The following SPEG variants were observed in gnomAD, a reference collection of about 807,000 sequenced individuals.
SPEG encodes striated muscle preferentially expressed protein kinase.
In SPEG, 114 loss-of-function variants were observed where a neutral mutation model predicts 300.4. The observed-to-expected ratio is 0.38, with a 90% CI of 0.33 to 0.44. The LOEUF (loss-of-function observed/expected upper bound fraction) is 0.44, where lower values mean the gene tolerates loss of function less well. SPEG is among the 20% of genes least tolerant of loss of function. The pLI, the probability that SPEG is intolerant of heterozygous loss-of-function variation, is 1.00. For synonymous variants in SPEG, 1,964 were observed against 2,018.9 expected, an observed-to-expected ratio of 0.97 and a Z score of 0.73; for missense variants, 4,201 against 4,586.2, an observed-to-expected ratio of 0.92 and a Z score of 2.43.
In SPEG at chr2:219,451,252, A is replaced by G. The variant is rs781248455; in HGVS notation, c.2230A>G (p.Ile744Val). Residue 744 changes from isoleucine to valine, a missense_variant, in exon 5 of 41, where the codon ATC becomes GTC. This residue lies in a region of SPEG where 1,258 missense variants were observed against 1,293.9 expected (regional missense o/e 0.97). Coordinates refer to ENST00000312358, the MANE Select transcript of SPEG (RefSeq NM_005876.5). The surrounding 1 kb of genome is among the most constrained non-coding windows in gnomAD (Gnocchi z 6.4). ...APGADVLLKC[I>V]ITANPPPQVS... ...AGGGGCAGATGTGCTGCTCAAGTGT[A>G]TCATCACTGCCAACCCCCCGCCCCA... is the stretch of plus-strand genomic sequence containing the variant. The G allele has an allele frequency of 3.1e-6, 5 of 1,612,666 alleles. No homozygotes were observed. The highest frequency in any genetic ancestry group is 1.6e-4 in the Middle Eastern group (1 of 6,062).
Position 219,484,524 on chromosome 2 carries a change from GT to G in SPEG, c.7063del (p.Ser2355ArgfsTer103). The G allele has an allele frequency of 6.3e-7, 1 of 1,599,464 alleles. No individual in the cohort carries two copies. Among genetic ancestry groups the G allele is most frequent in the Non-Finnish European group, 8.5e-7 (1 of 1,175,694 alleles). Reference sequence around the variant, plus strand: ...TCGCTGGGGCTGCGGCTGCTGAGCCGTTCGCGCTCGGAGGAGCGCGGCCCCT... The same window carrying G: ...TCGCTGGGGCTGCGGCTGCTGAGCCGTCGCGCTCGGAGGAGCGCGGCCCCT... ...PLSLGLRLLS[R>X]SRSEERGPFR... is the part of the protein sequence containing the mutation. On this transcript the variant is annotated frameshift_variant, in exon 30 of 41. Coordinates refer to ENST00000312358, the MANE Select transcript of SPEG (RefSeq NM_005876.5). LOFTEE classifies it high-confidence loss of function.
chr2:219,478,924 A>G (rs1304309381), intron 22 of SPEG, among the ~76,000 whole-genome samples: 1 of 152,206 alleles, frequency 6.6e-6, no homozygotes, highest in African/African-American at 2.4e-5. Context: ...CTGAGATCCC[A>G]TAGAAAGTGG....
Position 219,492,949 on chromosome 2 carries a change from C to A in SPEG, c.*163C>A. 1.2e-6 allele frequency: 1 copy of A among 828,128 alleles called. No individual in the cohort carries two copies. Among genetic ancestry groups the A allele is most frequent in the Non-Finnish European group, 2.0e-6 (1 of 500,884 alleles). The allele number at this position is 828,128 out of a possible 1,614,324, so 51.3% of individuals were successfully genotyped here. On this transcript the variant is annotated 3_prime_UTR_variant, in exon 41 of 41. Coordinates refer to ENST00000312358, the MANE Select transcript of SPEG (RefSeq NM_005876.5). ...CTCATAGACCTTCAAGGACAGAGACCCCAGGGCCTGGACCTGATGCCACCC... is the reference window on the plus strand; with the variant it reads ...CTCATAGACCTTCAAGGACAGAGACACCAGGGCCTGGACCTGATGCCACCC...
In SPEG at chr2:219,459,824, G is replaced by T. The variant is rs1690496677; in HGVS notation, c.2441-2058G>T. 6.6e-6 allele frequency among the ~76,000 whole-genome samples: 1 copy of T among 152,154 alleles called. No individual in the cohort carries two copies. Among genetic ancestry groups the T allele is most frequent in the African/African-American group, 2.4e-5 (1 of 41,442 alleles). ...ACTTCCCTCCCCAACCCTACCTCAA[G>T]ACAGCCAGCCTGAACCGTGGGCCCC... On this transcript the variant is annotated intron_variant, in intron 6 of 40. Transcript: ENST00000312358. This position sits in a 1 kb window ranked among gnomAD's most constrained non-coding sequence, Gnocchi z 4.9.
At position 219,481,766 on chromosome 2, in the gene SPEG, G is replaced by A; in HGVS notation, c.5565+86G>A. ...GCTCTATTTATTGAGTACCTACTGT[G>A]TGCAGTAACCACGTTAGGCATTGTA... On this transcript the variant is annotated intron_variant, in intron 28 of 40. Coordinates refer to ENST00000312358, the MANE Select transcript of SPEG (RefSeq NM_005876.5). This position sits in a 1 kb window ranked among gnomAD's most constrained non-coding sequence, Gnocchi z 5.4. 8.3e-7 allele frequency: 1 copy of A among 1,207,020 alleles called. No individual in the cohort carries two copies. Among genetic ancestry groups the A allele is most frequent in the Non-Finnish European group, 1.2e-6 (1 of 812,210 alleles). The allele number at this position is 1,207,020 out of a possible 1,614,324, so 74.8% of individuals were successfully genotyped here.
At chr2:219,446,031 G>A (rs2125257933) in intron 3 of SPEG, among the ~76,000 whole-genome samples, 1 of 151,994 alleles carries the variant, frequency 6.6e-6, no homozygotes, top group African/African-American at 2.4e-5. Flanking sequence ...GGAGCTGAGG[G>A]GGGCCTGGTT....
At chr2:219,449,492 C>T (rs990990843) in intron 4 of SPEG, among the ~76,000 whole-genome samples, 4 of 152,248 alleles carry the variant, frequency 2.6e-5, no homozygotes, top group African/African-American at 7.2e-5. Context: ...TGAGGCAGAG[C>T]GTGAGTGTTG....
chr2:219,455,957 A>G (rs1027997469), intron 6 of SPEG, among the ~76,000 whole-genome samples: 2 of 152,198 alleles, frequency 1.3e-5, no homozygotes, highest in African/African-American at 4.8e-5. Context: ...CAGGTCTCCT[A>G]TATTTGAGCC....
rs765163473 is a variant in SPEG, at chr2:219,483,817, C to T, written c.6354C>T (p.Pro2118=). 1.4e-5 allele frequency: 22 copies of T among 1,578,928 alleles called. No homozygotes were observed. In the East Asian group the frequency reaches 2.3e-4, roughly 16 times the overall value. ...GCGAGGCAGCGCCCCACCACCAGCC[C>T]CCACTCGAGAACCGGGGCCTGCAAA... ...ASSEAAPHHQ[P]PLENRGLQKS... The change falls in exon 30 of 41, where the codon CCC becomes CCT. Residue 2118 remains proline, a synonymous_variant. Coordinates refer to ENST00000312358, the MANE Select transcript of SPEG (RefSeq NM_005876.5).
Position 219,451,887 on chromosome 2 carries a change from T to A in SPEG, c.2440+80T>A. ...GGCCCAGGCCCCAGTCCACCTCCCT[T>A]CCCACTCTCAGCCTTGAGCTTGGGC... On this transcript the variant is annotated intron_variant, in intron 6 of 40. Coordinates refer to ENST00000312358, the MANE Select transcript of SPEG (RefSeq NM_005876.5). The surrounding 1 kb of genome is among the most constrained non-coding windows in gnomAD (Gnocchi z 6.4). The A allele has an allele frequency of 7.2e-7, 1 of 1,380,204 alleles. No homozygotes were observed. The highest frequency in any genetic ancestry group is 9.6e-7 in the Non-Finnish European group (1 of 1,038,708). 85.5% of individuals were successfully genotyped at this position (1,380,204 alleles called of 1,614,324 possible).
Position 219,435,195 on chromosome 2 carries a change from G to A in SPEG, c.218G>A (p.Ser73Asn). ...RVVVSGTPQP[S>N]LRWFRDGQLL... is the part of the protein sequence containing the mutation. ...GTGGTGAGCGGGACGCCCCAGCCCA[G>A]CCTCCGCTGGTTCCGGGATGGGCAG... The change falls in exon 1 of 41, where the codon AGC (serine) becomes AAC (asparagine). Residue 73 changes from serine to asparagine, a missense_variant. By Grantham distance (46) the Ser-to-Asn change is conservative. Around this residue, in one of 4 missense-constraint regions of SPEG, gnomAD observed 1,258 missense variants for 1,293.9 expected, o/e 0.97. Transcript: ENST00000312358. 1 of 1,481,568 alleles carries A rather than the reference G, an allele frequency of 6.7e-7. No homozygotes were observed. The highest frequency in any genetic ancestry group is 8.9e-7 in the Non-Finnish European group (1 of 1,125,382). 91.8% of individuals were successfully genotyped at this position (1,481,568 alleles called of 1,614,324 possible).
At chr2:219,450,291 G>A (rs79286512) in intron 4 of SPEG, among the ~76,000 whole-genome samples, 3,145 of 152,244 alleles carry the variant, frequency 0.021, 65 homozygotes, top group African/African-American at 0.048. Context: ...GTTTCAGAGG[G>A]TCTTTTCCCC....
rs1689745350 is a variant in SPEG, at chr2:219,451,515, G to T, written c.2258-110G>T. 2 of 1,216,650 alleles carry T rather than the reference G, an allele frequency of 1.6e-6. No homozygotes were observed. Among genetic ancestry groups the T allele is most frequent in the South Asian group, 1.7e-5 (1 of 60,174 alleles). The allele number at this position is 1,216,650 out of a possible 1,614,324, so 75.4% of individuals were successfully genotyped here. ...GGGCGGACTCTTCCAGATTCCCTGGGGTGCTGAGAGGAGAGGTTTGGTCTC... is the reference window on the plus strand; with the variant it reads ...GGGCGGACTCTTCCAGATTCCCTGGTGTGCTGAGAGGAGAGGTTTGGTCTC... On this transcript the variant is annotated intron_variant, in intron 5 of 40. Transcript: ENST00000312358. This position sits in a 1 kb window ranked among gnomAD's most constrained non-coding sequence, Gnocchi z 6.4.
At chr2:219,442,171 G>T in intron 1 of SPEG, 11 of 862,646 alleles carry the variant, frequency 1.3e-5, no homozygotes, top group Non-Finnish European at 1.7e-5. Context: ...AGCTGGGCCC[G>T]GTGGAGGGGG....
At position 219,480,752 on chromosome 2, in the gene SPEG, T is replaced by G. The variant is rs56928189; in HGVS notation, c.5369+55T>G. ...TCTCCTGGCAGGTCTACCCCTAACC[T>G]TTGCAGGGCTGCAGCCCACCCCCTT... is the stretch of plus-strand genomic sequence containing the variant. On this transcript the variant is annotated intron_variant, in intron 26 of 40. Coordinates refer to ENST00000312358, the MANE Select transcript of SPEG (RefSeq NM_005876.5). The surrounding 1 kb of genome is among the most constrained non-coding windows in gnomAD (Gnocchi z 5.3). 6.4e-7 allele frequency: 1 copy of G among 1,553,814 alleles called. No homozygotes were observed. The highest frequency in any genetic ancestry group is 8.9e-7 in the Non-Finnish European group (1 of 1,125,556).
Position 219,448,995 on chromosome 2 carries a change from C to A in SPEG, c.1837C>A (p.Pro613Thr). The A allele has an allele frequency of 6.7e-7, 1 of 1,481,978 alleles. No individual in the cohort carries two copies. Among genetic ancestry groups the A allele is most frequent in the Non-Finnish European group, 8.9e-7 (1 of 1,118,872 alleles). 91.8% of individuals were successfully genotyped at this position (1,481,978 alleles called of 1,614,324 possible). ...AIQECRSPVP[P>T]PAADPPEART... ...CCAGGAGTGCAGGAGCCCTGTGCCG[C>A]CCCCCGCCGCCGATCCCCCAGAGGC... is the stretch of plus-strand genomic sequence containing the variant. Residue 613 changes from proline (P) to threonine (T), a missense_variant, in exon 4 of 41, where the codon CCC becomes ACC. Pro to Thr is a conservative substitution (Grantham distance 38). This residue lies in a region of SPEG where 1,258 missense variants were observed against 1,293.9 expected (regional missense o/e 0.97). Coordinates refer to ENST00000312358, the MANE Select transcript of SPEG (RefSeq NM_005876.5).
At chr2:219,468,445 C>T (rs1386466334) in intron 10 of SPEG, 133 bp from the exon 11 acceptor site, 3 of 1,019,524 alleles carry the variant, frequency 2.9e-6, no homozygotes, top group South Asian at 1.6e-5. Flanking sequence ...ACTTCCTCCC[C>T]TGAGTACCCA....
chr2:219,435,507 C>A, intron 1 of SPEG, 142 bp downstream of exon 1: 1 of 975,986 alleles, frequency 1.0e-6, no homozygotes, highest in Non-Finnish European at 1.4e-6. Flanking sequence ...GCTGCCCGGC[C>A]CCAGAAGTGA....
Position 219,479,991 on chromosome 2 carries a change from T to C in SPEG, c.5193T>C (p.Ala1731=). ...AGAACCTGCTGGTGTGGGATGGTGC[T>C]GCGGGCGAGCAGCAGGTGCGGATCT... The part of the protein sequence containing the change: ...KPENLLVWDG[A]AGEQQVRICD... Residue 1731 remains alanine, a synonymous_variant, in exon 25 of 41, where the codon GCT becomes GCC. Transcript: ENST00000312358. The surrounding 1 kb of genome is among the most constrained non-coding windows in gnomAD (Gnocchi z 5.5). The C allele has an allele frequency of 6.2e-7, 1 of 1,614,140 alleles. No homozygotes were observed. Among genetic ancestry groups the C allele is most frequent in the South Asian group, 1.1e-5 (1 of 91,080 alleles).
Sources: allele counts gnomAD v4.1 joint callset (sites outside exome capture counted in the v4.1 genomes callset), GRCh38; gene constraint gnomAD v4.1.1; regional missense constraint gnomAD v4.1.1; non-coding constraint Gnocchi (gnomAD v3.1); transcripts MANE v1.5; gene names NCBI Gene and HGNC (gene_info 2026-07-23, HGNC 2026-07-21).